Variants in CTNND2 observed in about 807,000 individuals in gnomAD.
CTNND2 encodes the protein catenin delta 2.
In CTNND2, 22 loss-of-function variants were observed where a neutral mutation model predicts 144.4. The ratio of observed to expected loss-of-function variants is 0.15; its 90% CI spans 0.11 to 0.22. The LOEUF is 0.22. Ranked by LOEUF, CTNND2 falls within the 10% of genes least tolerant of loss-of-function variation. The probability of loss-of-function intolerance (pLI) is 1.00; values close to 1 mark genes in which losing one functional copy is unlikely to be tolerated. For synonymous variants in CTNND2, 751 were observed against 695.6 expected, an observed-to-expected ratio of 1.08 and a Z score of -1.25; for missense variants, 1,353 against 1,618.8, an observed-to-expected ratio of 0.84 and a Z score of 2.82.
chr5:11,019,114 C>T (rs1333789183), intron 17 of CTNND2, among the ~76,000 whole-genome samples: 2 of 152,166 alleles, frequency 1.3e-5, no homozygotes, highest in African/African-American at 4.8e-5. Flanking sequence ...GATATTTCTA[C>T]AACATAAACA....
At chr5:11,205,535 C>A (rs1737953630) in intron 10 of CTNND2, among the ~76,000 whole-genome samples, 1 of 152,032 alleles carries the variant, frequency 6.6e-6, no homozygotes, top group Admixed American at 6.5e-5. Context: ...AGATCCCAAA[C>A]TAGATGACTA....
intron 2 of CTNND2, among the ~76,000 whole-genome samples, chr5:11,703,285 T>A (rs376417707): frequency 6.6e-6 from 1 of 152,240 alleles, no homozygotes; most frequent in Non-Finnish European, 1.5e-5. Context: ...TTTACAGATA[T>A]ATGTTTATAT....
chr5:11,867,897 T>C (rs946096094), intron 1 of CTNND2, among the ~76,000 whole-genome samples: 1 of 150,892 alleles, frequency 6.6e-6, no homozygotes, highest in African/African-American at 2.4e-5. Context: ...GCGCTGGACA[T>C]CTAGAATGCC....
At chr5:10,990,443 C>G (rs757926663) in intron 19 of CTNND2, among the ~76,000 whole-genome samples, 24 of 152,204 alleles carry the variant, frequency 1.6e-4, no homozygotes, top group Non-Finnish European at 2.6e-4. Flanking sequence ...TAACCTCTTC[C>G]ACCTGCTGCC....
At chr5:11,322,063 G>C (rs1329459200) in intron 9 of CTNND2, among the ~76,000 whole-genome samples, 2 of 152,124 alleles carry the variant, frequency 1.3e-5, no homozygotes, top group African/African-American at 2.4e-5. Context: ...CCACACGACT[G>C]CAACTCCCAT....
chr5:11,747,957 C>G (rs1788402854), intron 1 of CTNND2, among the ~76,000 whole-genome samples: 1 of 152,098 alleles, frequency 6.6e-6, no homozygotes, highest in South Asian at 2.1e-4. Context: ...TACCGAAGCT[C>G]AATGACACAT....
intron 3 of CTNND2, among the ~76,000 whole-genome samples, chr5:11,486,237 T>C (rs1486519308): frequency 6.6e-6 from 1 of 152,092 alleles, no homozygotes; most frequent in Admixed American, 6.6e-5. Context: ...TAGGTGATAA[T>C]ATCCAGTAGA....
At chr5:11,608,488 C>T (rs371902910) in intron 2 of CTNND2, among the ~76,000 whole-genome samples, 26 of 152,252 alleles carry the variant, frequency 1.7e-4, no homozygotes, top group African/African-American at 5.5e-4. Context: ...GTAAATGGTA[C>T]CACCAGCAAC....
At chr5:11,869,875 G>C (rs912845603) in intron 1 of CTNND2, among the ~76,000 whole-genome samples, 1 of 152,048 alleles carries the variant, frequency 6.6e-6, no homozygotes, top group Non-Finnish European at 1.5e-5. Flanking sequence ...AAGGTGTTAG[G>C]AACAAAATGC....
chr5:11,691,412 A>ATAAAC (rs1426041142), intron 2 of CTNND2, among the ~76,000 whole-genome samples: 1 of 151,568 alleles, frequency 6.6e-6, no homozygotes, highest in Non-Finnish European at 1.5e-5. Context: ...ATAAAATAAA[A>ATAAAC]TAAAAAATAA....
chr5:11,601,251 T>A (rs1779777259), intron 2 of CTNND2, among the ~76,000 whole-genome samples: 1 of 152,214 alleles, frequency 6.6e-6, no homozygotes, highest in Non-Finnish European at 1.5e-5. Context: ...ATTGTTTCTG[T>A]TTCCCATAGC....
intron 2 of CTNND2, among the ~76,000 whole-genome samples, chr5:11,633,634 G>C (rs1781524052): frequency 6.6e-6 from 1 of 152,014 alleles, no homozygotes; most frequent in South Asian, 2.1e-4. Flanking sequence ...AAATTAGCCA[G>C]GCATAGTGGT....
chr5:11,758,852 T>C (rs1789097797), intron 1 of CTNND2, among the ~76,000 whole-genome samples: 1 of 152,066 alleles, frequency 6.6e-6, no homozygotes, highest in African/African-American at 2.4e-5. Context: ...ACACATTTTA[T>C]TTTCTTTGTT....
At chr5:11,588,077 C>G (rs1304899482) in intron 2 of CTNND2, among the ~76,000 whole-genome samples, 1 of 152,190 alleles carries the variant, frequency 6.6e-6, no homozygotes, top group Admixed American at 6.5e-5. Flanking sequence ...TTATTTACAC[C>G]TGCACCATTT....
At chr5:11,684,929 G>GAAA (rs1784575236) in intron 2 of CTNND2, among the ~76,000 whole-genome samples, 1 of 152,174 alleles carries the variant, frequency 6.6e-6, no homozygotes, top group Non-Finnish European at 1.5e-5. Context: ...GGAACAAAGA[G>GAAA]AATGGTCCAA....
intron 2 of CTNND2, among the ~76,000 whole-genome samples, chr5:11,565,460 A>T (rs1195897253): frequency 6.6e-6 from 1 of 152,162 alleles, no homozygotes; most frequent in East Asian, 1.9e-4. Context: ...TATCTTTTGG[A>T]GTTTTGTGTT....
chr5:11,752,144 T>C (rs1387843629), intron 1 of CTNND2, among the ~76,000 whole-genome samples: 4 of 151,906 alleles, frequency 2.6e-5, no homozygotes, highest in Non-Finnish European at 5.9e-5. Flanking sequence ...TCTTCTCCCA[T>C]TCTGTACGCC....
At chr5:11,357,249 T>C (rs1176517027) in intron 8 of CTNND2, among the ~76,000 whole-genome samples, 2 of 152,136 alleles carry the variant, frequency 1.3e-5, no homozygotes, top group Non-Finnish European at 2.9e-5. Flanking sequence ...TGTAGCACTA[T>C]TTACAATAAC....
At chr5:11,782,937 A>G (rs963078781) in intron 1 of CTNND2, among the ~76,000 whole-genome samples, 2 of 152,254 alleles carry the variant, frequency 1.3e-5, no homozygotes, top group Non-Finnish European at 2.9e-5. Context: ...ATGAAAGGAC[A>G]TAACAAGTTC....
Sources: allele counts gnomAD v4.1 joint callset (sites outside exome capture counted in the v4.1 genomes callset), GRCh38; gene constraint gnomAD v4.1.1; transcripts MANE v1.5; gene names NCBI Gene and HGNC (gene_info 2026-07-23, HGNC 2026-07-21).